KCNN1: variants seen among roughly 807,000 people sequenced by gnomAD.
KCNN1 encodes small conductance calcium-activated potassium channel protein 1.
In KCNN1, 20 loss-of-function variants were observed where a neutral mutation model predicts 44.7. That is an observed-to-expected ratio of 0.45 (90% CI 0.32 to 0.65). The LOEUF (loss-of-function observed/expected upper bound fraction) is 0.65. Among genes scored for constraint, KCNN1 ranks in the 30% least tolerant of loss-of-function variants. The probability of loss-of-function intolerance (pLI) is 0.05; values close to 1 mark genes in which losing one functional copy is unlikely to be tolerated. For missense variants in KCNN1, 632 were observed against 785.3 expected (o/e 0.80, Z 2.33); for synonymous variants, 324 against 341.7 (o/e 0.95, Z 0.57).
At chr19:17,990,760 G>A (rs2891621) in intron 7 of KCNN1, among the ~76,000 whole-genome samples, 8,794 of 144,734 alleles carry the variant, frequency 0.061, 330 homozygotes, top group African/African-American at 0.11. Flanking sequence ...AGATTGCGCC[G>A]CTGCACTCCA....
At chr19:17,953,562 C>T (rs915698836) in intron 1 of KCNN1, among the ~76,000 whole-genome samples, 1 of 152,152 alleles carries the variant, frequency 6.6e-6, no homozygotes, top group Non-Finnish European at 1.5e-5. Context: ...TTCTATAAGC[C>T]CTCTGCAGAC....
Position 17,981,783 on chromosome 19 carries a change from A to G in KCNN1, c.573A>G (p.Leu191=). The change falls in exon 4 of 10, where the codon CTA becomes CTG. Residue 191 remains leucine, a synonymous_variant. Coordinates refer to ENST00000684775, the MANE Select transcript of KCNN1 (RefSeq NM_001386974.1). The part of the protein sequence containing the change: ...MTCERVFLIS[L]ELAVCAIHPV... ...GCGAGCGCGTGTTCCTCATCTCGCT[A>G]GAGCTGGCAGTGTGCGCCATTCACC... 6.2e-7 allele frequency: 1 copy of G among 1,612,698 alleles called. No homozygotes were observed. Among genetic ancestry groups the G allele is most frequent in the Non-Finnish European group, 8.5e-7 (1 of 1,179,060 alleles).
Position 17,975,076 on chromosome 19 carries a change from C to T in KCNN1, c.403-16C>T. On this transcript the variant is annotated splice_polypyrimidine_tract_variant and intron_variant, in intron 2 of 9. Transcript: ENST00000684775. ...GCCTCCAGCGTCCATCTGGCTGTGT[C>T]CTCTCTCTTTACCAGGAGTCTCTGT... The T allele has an allele frequency of 1.2e-6, 2 of 1,606,584 alleles. No individual in the cohort carries two copies. Among genetic ancestry groups the T allele is most frequent in the Non-Finnish European group, 1.7e-6 (2 of 1,173,168 alleles).
chr19:17,964,038 C>T (rs976410141), upstream of KCNN1, among the ~76,000 whole-genome samples: 1 of 152,112 alleles, frequency 6.6e-6, no homozygotes, highest in Non-Finnish European at 1.5e-5. The surrounding 1 kb of genome is among the most constrained non-coding windows in gnomAD (Gnocchi z 4.3). Flanking sequence ...AAGAGGGGCA[C>T]GGTTTGTATC....
At chr19:17,969,586 G>A (rs993812000) in intron 1 of KCNN1, among the ~76,000 whole-genome samples, 1 of 151,940 alleles carries the variant, frequency 6.6e-6, no homozygotes, top group African/African-American at 2.4e-5. Context: ...CTTAGGACGC[G>A]GCTGCCAGGC....
Position 17,993,915 on chromosome 19 carries a change from AATG to A in KCNN1, c.1377+359_1377+361del, listed in dbSNP as rs1169635462. Among the ~76,000 whole-genome samples, 10 of 152,084 alleles carry A rather than the reference AATG, an allele frequency of 6.6e-5. No homozygotes were observed. The highest frequency in any genetic ancestry group is 6.6e-4 in the Admixed American group (10 of 15,264). On this transcript the variant is annotated intron_variant, in intron 9 of 9. Coordinates refer to ENST00000684775, the MANE Select transcript of KCNN1 (RefSeq NM_001386974.1). This position sits in a 1 kb window ranked among gnomAD's most constrained non-coding sequence, Gnocchi z 4.5. ...ACAGAGTGACACCCTGTCTCAAAAA[AATG>A]ATAATAATTTTAAAAATAATTTAAA... is the stretch of plus-strand genomic sequence containing the variant.
chr19:17,967,256 C>T lies in KCNN1; in HGVS notation c.-143C>T, dbSNP rs1040698485. On this transcript the variant is annotated 5_prime_UTR_variant, in exon 1 of 10. Coordinates refer to ENST00000684775, the MANE Select transcript of KCNN1 (RefSeq NM_001386974.1). ...CGGCTCCGGCTCCCGACTGGGGGTCCGCGGCCGCGCGGGACCCTCTCCCCT... is the reference window on the plus strand; with the variant it reads ...CGGCTCCGGCTCCCGACTGGGGGTCTGCGGCCGCGCGGGACCCTCTCCCCT... The T allele has an allele frequency of 1.9e-5, 19 of 985,078 alleles. No individual in the cohort carries two copies. Among genetic ancestry groups the T allele is most frequent in the Non-Finnish European group, 2.3e-5 (19 of 829,622 alleles). 61.0% of individuals were successfully genotyped at this position (985,078 alleles called of 1,614,324 possible).
chr19:17,952,214 AG>A (rs957212229), intron 1 of KCNN1: 3 of 151,308 alleles, frequency 2.0e-5, no homozygotes, highest in Admixed American at 6.6e-5. Context: ...GTCGGCGGGG[AG>A]GGGGTCGGCT....
chr19:17,986,541 A>G (rs942881327), intron 5 of KCNN1, among the ~76,000 whole-genome samples: 1 of 152,058 alleles, frequency 6.6e-6, no homozygotes, highest in Admixed American at 6.6e-5. Flanking sequence ...ATCCTTTCAC[A>G]CTCACTGCTT....
rs1473724195 is a variant in KCNN1, at chr19:17,985,247, G to C, written c.918-65G>C. On this transcript the variant is annotated intron_variant, in intron 4 of 9. Coordinates refer to ENST00000684775, the MANE Select transcript of KCNN1 (RefSeq NM_001386974.1). ...TCCAGCCCTGGCGCTGCCCCAGGGG[G>C]TGTGATGGAGGCAAAGGGGATGGTA... 3 of 1,451,782 alleles carry C rather than the reference G, an allele frequency of 2.1e-6. No homozygotes were observed. The East Asian group carries it at 7.6e-5, about 37-fold the overall frequency. The allele number at this position is 1,451,782 out of a possible 1,614,324, so 89.9% of individuals were successfully genotyped here.
intron 5 of KCNN1, among the ~76,000 whole-genome samples, chr19:17,986,106 C>A (rs1019428579): frequency 1.3e-5 from 2 of 152,266 alleles, no homozygotes; most frequent in Admixed American, 1.3e-4. Flanking sequence ...TGGCTCACAC[C>A]TGTAATCCCA....
At chr19:17,969,324 GGCAAAAGGT>G (rs1245723486) in intron 1 of KCNN1, among the ~76,000 whole-genome samples, 3 of 152,144 alleles carry the variant, frequency 2.0e-5, no homozygotes, top group African/African-American at 7.2e-5. Context: ...GGTGACCTTG[GGCAAAAGGT>G]GCTGAGCTTC....
At chr19:17,972,807 C>T (rs1341964765) in intron 1 of KCNN1, among the ~76,000 whole-genome samples, 1 of 152,202 alleles carries the variant, frequency 6.6e-6, no homozygotes, top group Non-Finnish European at 1.5e-5. Flanking sequence ...CATTAGCCAC[C>T]CTCTCCTCCC....
intron 3 of KCNN1, among the ~76,000 whole-genome samples, chr19:17,979,172 G>T (rs12986030): frequency 0.11 from 16,677 of 145,226 alleles, 1,036 homozygotes; most frequent in South Asian, 0.14. Context: ...CCGGGCTCAC[G>T]ACTGTAATCC....
chr19:17,977,652 A>C (rs908413188), intron 3 of KCNN1, among the ~76,000 whole-genome samples: 1 of 152,052 alleles, frequency 6.6e-6, no homozygotes, highest in African/African-American at 2.4e-5. Flanking sequence ...GCCTGGCCTG[A>C]TTCCAGCTTA....
chr19:17,953,291 T>G (rs1779226317), intron 1 of KCNN1, among the ~76,000 whole-genome samples: 1 of 152,106 alleles, frequency 6.6e-6, no homozygotes, highest in Admixed American at 6.5e-5. Flanking sequence ...TAATTTTTAC[T>G]CCGACGCAGC....
chr19:17,954,153 A>T (rs932624036), intron 1 of KCNN1, among the ~76,000 whole-genome samples: 4 of 152,186 alleles, frequency 2.6e-5, no homozygotes, highest in African/African-American at 9.7e-5. Flanking sequence ...AAAGCTTAGG[A>T]GATGACCCAG....
At chr19:17,988,604 G>A (rs895211240) in intron 6 of KCNN1, 79 bp downstream of exon 6, 50 of 1,072,678 alleles carry the variant, frequency 4.7e-5, no homozygotes, top group Middle Eastern at 2.0e-4. Flanking sequence ...CCCTCTGTAC[G>A]TGCCGGGCAT....
chr19:17,962,701 G>C (rs1260487570), upstream of KCNN1, among the ~76,000 whole-genome samples: 1 of 151,670 alleles, frequency 6.6e-6, no homozygotes, highest in African/African-American at 2.4e-5. Flanking sequence ...CAACACTCCA[G>C]ATCTTGTTTT....
Sources: allele counts gnomAD v4.1 joint callset (sites outside exome capture counted in the v4.1 genomes callset), GRCh38; gene constraint gnomAD v4.1.1; non-coding constraint Gnocchi (gnomAD v3.1); transcripts MANE v1.5; gene names NCBI Gene and HGNC (gene_info 2026-07-23, HGNC 2026-07-21).